The following SINHCAF variants were observed in gnomAD, a reference collection of about 807,000 sequenced individuals.
SINHCAF encodes the protein SIN3-HDAC complex associated factor.
A neutral mutation model predicts 25.8 loss-of-function variants in SINHCAF; 3 were observed. That is an observed-to-expected ratio of 0.12 (90% confidence interval 0.05 to 0.30). The LOEUF (loss-of-function observed/expected upper bound fraction) is 0.30, where lower values mean the gene tolerates loss of function less well. SINHCAF is among the 10% of genes least tolerant of loss of function. The probability of loss-of-function intolerance (pLI) is 1.00; values close to 1 mark genes in which losing one functional copy is unlikely to be tolerated. For synonymous variants in SINHCAF, 70 were observed against 85.5 expected, an observed-to-expected ratio of 0.82 and a Z score of 1.00; for missense variants, 121 against 262.3, an observed-to-expected ratio of 0.46 and a Z score of 3.72.
chr12:31,308,827 A>T (rs1178818634), intron 1 of SINHCAF, among the ~76,000 whole-genome samples: 1 of 152,048 alleles, frequency 6.6e-6, no homozygotes, highest in Non-Finnish European at 1.5e-5. Flanking sequence ...AGAGATCCGC[A>T]ACTGAAAAAT....
rs1305225380 is a variant in SINHCAF, at chr12:31,325,202, C to A, written c.-21+822G>T. ...CGGGAAGCCCTCGCGGTGTCGCCCA[C>A]ACCTACGCTACAGGTGAACGCACCG... On this transcript the variant is annotated intron_variant, in intron 1 of 5. Transcript: ENST00000337682. The surrounding 1 kb of genome is among the most constrained non-coding windows in gnomAD (Gnocchi z 5.9). The A allele has an allele frequency of 2.2e-6, 1 of 456,794 alleles. No individual in the cohort carries two copies. The highest frequency in any genetic ancestry group is 4.4e-6 in the Non-Finnish European group (1 of 227,000). 28.3% of individuals were successfully genotyped at this position (456,794 alleles called of 1,614,324 possible).
At chr12:31,316,119 G>A (rs999520529) in intron 1 of SINHCAF, among the ~76,000 whole-genome samples, 9 of 151,968 alleles carry the variant, frequency 5.9e-5, no homozygotes, top group African/African-American at 1.9e-4. Context: ...GCAGTGAGCC[G>A]AGATTGTGCC....
intron 1 of SINHCAF, among the ~76,000 whole-genome samples, chr12:31,316,759 C>A (rs1408848057): frequency 6.6e-6 from 1 of 152,090 alleles, no homozygotes; most frequent in Non-Finnish European, 1.5e-5. Context: ...ATTTTAAGCT[C>A]CAACCAGGAA....
intron 4 of SINHCAF, among the ~76,000 whole-genome samples, chr12:31,289,796 T>C (rs1315434337): frequency 8.8e-6 from 1 of 113,762 alleles, no homozygotes; most frequent in Admixed American, 1.1e-4. Context: ...TAAAGAAAAT[T>C]TGGGTTTTTT....
chr12:31,300,830 CAG>C (rs1490091136), intron 1 of SINHCAF, among the ~76,000 whole-genome samples: 4 of 152,156 alleles, frequency 2.6e-5, no homozygotes, highest in South Asian at 4.1e-4. Context: ...TCAAGAAGGT[CAG>C]AGAACAGTTC....
intron 1 of SINHCAF, among the ~76,000 whole-genome samples, chr12:31,317,905 A>G (rs891648479): frequency 6.6e-6 from 1 of 152,194 alleles, no homozygotes. Flanking sequence ...CTAAGCAACC[A>G]AAGACAACTT....
In SINHCAF at chr12:31,311,806, G is replaced by A. The variant is rs979939156; in HGVS notation, c.-20-13582C>T. 8.1e-6 allele frequency: 4 copies of A among 491,068 alleles called. No homozygotes were observed. In the Admixed American group the frequency reaches 1.0e-4, roughly 13 times the overall value. The allele number at this position is 491,068 out of a possible 1,614,324, so 30.4% of individuals were successfully genotyped here. Reference sequence around the variant, plus strand: ...AAAGACTGTGGAACTTTTAAGTGGGGTGGTGGGTCAGACCAAAGATGGGAG... The same window carrying A: ...AAAGACTGTGGAACTTTTAAGTGGGATGGTGGGTCAGACCAAAGATGGGAG... On this transcript the variant is annotated intron_variant, in intron 1 of 5. Transcript: ENST00000337682.
At chr12:31,288,397 A>G (rs1232405134) in intron 4 of SINHCAF, among the ~76,000 whole-genome samples, 2 of 152,156 alleles carry the variant, frequency 1.3e-5, no homozygotes, top group Non-Finnish European at 2.9e-5. Flanking sequence ...AAGAGCCTAC[A>G]TTTCCACCCT....
At position 31,295,258 on chromosome 12, in the gene SINHCAF, T is replaced by C. The variant is rs1464532077; in HGVS notation, c.204A>G (p.Ala68=). 6 of 1,610,760 alleles carry C rather than the reference T, an allele frequency of 3.7e-6. No homozygotes were observed. The East Asian group carries it at 8.9e-5, about 24-fold the overall frequency. The part of the protein sequence containing the change: ...LLVKRWKKLP[A]GSKKNWNHVV... The stretch of plus-strand genomic sequence containing the variant: ...CATGATTCCAGTTTTTTTTTGATCC[T>C]GCTGGCAACTTCTTCCATCTTTTCA... The change falls in exon 3 of 6, where the codon GCA becomes GCG. Residue 68 remains alanine, a synonymous_variant. Transcript: ENST00000337682.
intron 1 of SINHCAF, among the ~76,000 whole-genome samples, chr12:31,320,764 G>T (rs139968254): frequency 0.014 from 2,097 of 151,682 alleles, 40 homozygotes; most frequent in African/African-American, 0.048. Flanking sequence ...ACTTTTGCAG[G>T]AAAAAAAACC....
chr12:31,314,565 T>C (rs1217398180), intron 1 of SINHCAF, among the ~76,000 whole-genome samples: 1 of 150,138 alleles, frequency 6.7e-6, no homozygotes, highest in East Asian at 1.9e-4. Flanking sequence ...AAGGTGTAGG[T>C]GGTGAAGGAG....
chr12:31,312,586 C>T (rs766691328), intron 1 of SINHCAF, among the ~76,000 whole-genome samples: 1 of 152,194 alleles, frequency 6.6e-6, no homozygotes, highest in Non-Finnish European at 1.5e-5. Flanking sequence ...TTTTGATAAG[C>T]ATTTCCCTGA....
chr12:31,302,262 A>G (rs61918565), intron 1 of SINHCAF, among the ~76,000 whole-genome samples: 21,166 of 151,982 alleles, frequency 0.14, 2,024 homozygotes, highest in Non-Finnish European at 0.21. Flanking sequence ...AAAATTAAAT[A>G]GTGGTATGGT....
chr12:31,286,218 C>T lies in SINHCAF; in HGVS notation c.506+1416G>A, dbSNP rs545488955. On this transcript the variant is annotated intron_variant, in intron 5 of 5. Coordinates refer to ENST00000337682, the MANE Select transcript of SINHCAF (RefSeq NM_001135812.2). ...ACAATTATGTATTATGTACTTTTGTCCTTTTTGTAAGATACCTGTTGTCTA... is the reference window on the plus strand; with the variant it reads ...ACAATTATGTATTATGTACTTTTGTTCTTTTTGTAAGATACCTGTTGTCTA... Among the ~76,000 whole-genome samples the T allele has an allele frequency of 3.9e-5, 6 of 151,926 alleles. No individual in the cohort carries two copies. In the South Asian group the frequency reaches 8.3e-4, roughly 21 times the overall value.
At chr12:31,311,521 G>A in intron 1 of SINHCAF, 1 of 222,170 alleles carries the variant, frequency 4.5e-6, no homozygotes, top group Non-Finnish European at 8.9e-6. Context: ...AGGCAGGCCG[G>A]GCACACACGC....
intron 1 of SINHCAF, among the ~76,000 whole-genome samples, chr12:31,313,383 G>A (rs543286451): frequency 6.6e-6 from 1 of 152,260 alleles, no homozygotes; most frequent in Non-Finnish European, 1.5e-5. Flanking sequence ...AATTCAATAT[G>A]GGGCTGTATC....
intron 1 of SINHCAF, among the ~76,000 whole-genome samples, chr12:31,320,128 A>G (rs77961905): frequency 0.011 from 1,748 of 152,270 alleles, 16 homozygotes; most frequent in East Asian, 0.037. Flanking sequence ...ATATCTTCCT[A>G]AAGTTCAACT....
At chr12:31,293,774 T>A (rs372831979) in intron 4 of SINHCAF, 31 bp downstream of exon 4, 2 of 1,560,602 alleles carry the variant, frequency 1.3e-6, no homozygotes, top group Non-Finnish European at 1.7e-6. Context: ...AAAACAATTA[T>A]TAAGTACTAA....
In SINHCAF at chr12:31,305,853, C is replaced by T. The variant is rs553581089; in HGVS notation, c.-20-7629G>A. Among the ~76,000 whole-genome samples, 10 of 152,190 alleles carry T rather than the reference C, an allele frequency of 6.6e-5. No homozygotes were observed. In the East Asian group the frequency reaches 1.2e-3, roughly 18 times the overall value. ...TAGCTGGGACTACAGGCGTGCGCCA[C>T]GATGCCCGGCTAATTTTTGTATTGT... is the stretch of plus-strand genomic sequence containing the variant. On this transcript the variant is annotated intron_variant, in intron 1 of 5. Transcript: ENST00000337682.
Sources: gnomAD v4.1 joint callset for allele counts (sites outside exome capture counted in the v4.1 genomes callset) on GRCh38, gnomAD v4.1.1 for gene constraint, Gnocchi (gnomAD v3.1) non-coding constraint, MANE v1.5 for transcripts, NCBI Gene and HGNC (gene_info 2026-07-23, HGNC 2026-07-21) for gene names.